The following PDZRN3 variants were observed in gnomAD, a reference collection of about 807,000 sequenced individuals.
PDZRN3 encodes PDZ domain containing ring finger 3.
Under a neutral mutation model 85.7 loss-of-function variants are expected in PDZRN3, and 38 were observed. The observed-to-expected ratio is 0.44, with a 90% CI of 0.34 to 0.58. PDZRN3 has a LOEUF of 0.58. Ranked by LOEUF, PDZRN3 falls within the 20% of genes least tolerant of loss-of-function variation. The pLI is 0.01. For synonymous variants in PDZRN3, 759 were observed against 638.0 expected, an observed-to-expected ratio of 1.19 and a Z score of -2.86; for missense variants, 1,629 against 1,506.4, an observed-to-expected ratio of 1.08 and a Z score of -1.35.
intron 3 of PDZRN3, among the ~76,000 whole-genome samples, chr3:73,447,023 T>C (rs1169625060): frequency 2.2e-5 from 3 of 139,190 alleles, no homozygotes; most frequent in Non-Finnish European, 3.0e-5. Context: ...CCTTCCCTGC[T>C]TCTGGCCAAC....
chr3:73,579,554 T>A (rs1462239068), intron 3 of PDZRN3, among the ~76,000 whole-genome samples: 5 of 152,224 alleles, frequency 3.3e-5, no homozygotes, highest in Non-Finnish European at 7.3e-5. Context: ...CTACTATGAT[T>A]TCCATATTTT....
At chr3:73,408,309 G>C in intron 3 of PDZRN3, 1 of 672,018 alleles carries the variant, frequency 1.5e-6, no homozygotes, top group East Asian at 2.7e-5. Context: ...ATAAAGTTTA[G>C]ATGAGATAAC....
intron 3 of PDZRN3, among the ~76,000 whole-genome samples, chr3:73,485,961 C>T (rs925261096): frequency 6.6e-6 from 1 of 152,236 alleles, no homozygotes; most frequent in Non-Finnish European, 1.5e-5. Flanking sequence ...ACGTGACTTG[C>T]TGTTTCCAAT....
intron 3 of PDZRN3, among the ~76,000 whole-genome samples, chr3:73,585,811 C>A (rs1702269333): frequency 6.6e-6 from 1 of 152,100 alleles, no homozygotes; most frequent in Admixed American, 6.5e-5. Flanking sequence ...CAGATAAGAT[C>A]CAAGTCATTG....
intron 3 of PDZRN3, among the ~76,000 whole-genome samples, chr3:73,457,141 C>A (rs6549542): frequency 0.74 from 111,896 of 151,802 alleles, 42,085 homozygotes; most frequent in East Asian, 0.9. Flanking sequence ...GGCGTGATCT[C>A]GGCTCACCGC....
Position 73,501,040 on chromosome 3 carries a change from C to G in PDZRN3, c.919-96645G>C, listed in dbSNP as rs963603220. ...TTCCTTGTTTTCCATCTTCTCTTCT[C>G]TTTCCCTACCAATGTCCGTGTAAGC... is the stretch of plus-strand genomic sequence containing the variant. On this transcript the variant is annotated intron_variant, in intron 3 of 9. Transcript: ENST00000263666. Among the ~76,000 whole-genome samples, 27 of 152,222 alleles carry G rather than the reference C, an allele frequency of 1.8e-4. 1 individual carries two copies. The highest frequency in any genetic ancestry group is 6.3e-4 in the African/African-American group (26 of 41,456).
intron 1 of PDZRN3, among the ~76,000 whole-genome samples, chr3:73,620,767 G>A (rs942587994): frequency 3.3e-5 from 5 of 151,980 alleles, no homozygotes; most frequent in African/African-American, 1.2e-4. Flanking sequence ...TAGTAGAGAC[G>A]GGGTTTCACC....
At chr3:73,559,954 A>G (rs1271085971) in intron 3 of PDZRN3, among the ~76,000 whole-genome samples, 1 of 152,170 alleles carries the variant, frequency 6.6e-6, no homozygotes, top group Non-Finnish European at 1.5e-5. Flanking sequence ...AATCACATAC[A>G]CTATTTTCTG....
At chr3:73,609,775 C>T (rs1440478891) in intron 1 of PDZRN3, among the ~76,000 whole-genome samples, 1 of 152,108 alleles carries the variant, frequency 6.6e-6, no homozygotes, top group African/African-American at 2.4e-5. Context: ...TCTACCTTTT[C>T]TGGGGAAATA....
At chr3:73,596,183 C>T (rs1702428164) in intron 3 of PDZRN3, among the ~76,000 whole-genome samples, 1 of 151,976 alleles carries the variant, frequency 6.6e-6, no homozygotes, top group South Asian at 2.1e-4. Flanking sequence ...GACAATGTGA[C>T]CACCAAATTA....
chr3:73,428,234 G>C (rs76198544), intron 3 of PDZRN3, among the ~76,000 whole-genome samples: 6,645 of 152,116 alleles, frequency 0.044, 432 homozygotes, highest in African/African-American at 0.15. Context: ...TGAGCACCTC[G>C]GTTCTCAGCA....
intron 3 of PDZRN3, among the ~76,000 whole-genome samples, chr3:73,443,256 T>C (rs552710135): frequency 4.1e-4 from 62 of 152,278 alleles, no homozygotes; most frequent in African/African-American, 1.4e-3. Flanking sequence ...TGCATCTGAC[T>C]TGCAGCCACC....
At chr3:73,512,550 A>G (rs1704186480) in intron 3 of PDZRN3, among the ~76,000 whole-genome samples, 1 of 150,678 alleles carries the variant, frequency 6.6e-6, no homozygotes, top group Non-Finnish European at 1.5e-5. Context: ...TTTTCCGGGG[A>G]GAAGGACAAC....
chr3:73,391,161 C>A (rs777110309), intron 5 of PDZRN3, 45 bp from the exon 6 acceptor site: 3 of 1,130,198 alleles, frequency 2.7e-6, no homozygotes, highest in Admixed American at 3.6e-5. Context: ...GCAGGCAATG[C>A]GAGTTGAGGG....
chr3:73,539,124 G>T (rs1458228986), intron 3 of PDZRN3, among the ~76,000 whole-genome samples: 1 of 152,098 alleles, frequency 6.6e-6, no homozygotes, highest in Non-Finnish European at 1.5e-5. Context: ...GGTCTGCTTC[G>T]CTGGCTTTAC....
intron 3 of PDZRN3, among the ~76,000 whole-genome samples, chr3:73,460,614 A>G (rs1703083678): frequency 6.6e-6 from 1 of 152,182 alleles, no homozygotes. Context: ...TGATAACCAC[A>G]TTTTCTTAAT....
intron 3 of PDZRN3, among the ~76,000 whole-genome samples, chr3:73,528,825 G>A (rs1704584669): frequency 6.6e-6 from 1 of 151,924 alleles, no homozygotes; most frequent in African/African-American, 2.4e-5. Context: ...TTGGAGTGGA[G>A]GAAGAAGGGG....
intron 3 of PDZRN3, among the ~76,000 whole-genome samples, chr3:73,407,689 T>G (rs894421196): frequency 6.6e-6 from 1 of 152,202 alleles, no homozygotes; most frequent in Admixed American, 6.5e-5. Context: ...TTGGATACAT[T>G]TTTATAAACC....
intron 3 of PDZRN3, among the ~76,000 whole-genome samples, chr3:73,455,374 G>GT (rs547380563): frequency 6.6e-6 from 1 of 152,172 alleles, no homozygotes; most frequent in Non-Finnish European, 1.5e-5. Flanking sequence ...TTAAACCTCA[G>GT]TTGACCCAGC....
Sources: gnomAD v4.1 joint callset for allele counts (sites outside exome capture counted in the v4.1 genomes callset) on GRCh38, gnomAD v4.1.1 for gene constraint, MANE v1.5 for transcripts, NCBI Gene and HGNC (gene_info 2026-07-23, HGNC 2026-07-21) for gene names.